MDH1B: variants seen among roughly 807,000 people sequenced by gnomAD.
MDH1B encodes putative malate dehydrogenase 1B.
In MDH1B, 60 loss-of-function variants were observed where a neutral mutation model predicts 61.4. That is an observed-to-expected ratio of 0.98 (90% CI 0.79 to 1.21). The LOEUF (loss-of-function observed/expected upper bound fraction) is 1.21. Ranked by LOEUF, MDH1B falls within the 50% of genes most tolerant of loss-of-function variation. MDH1B has a pLI of 0.00. For synonymous variants in MDH1B, 236 were observed against 218.7 expected (o/e 1.08, Z -0.70); for missense variants, 587 against 632.1 (o/e 0.93, Z 0.76).
At chr2:206,752,657 C>G (rs545824399) in intron 5 of MDH1B, among the ~76,000 whole-genome samples, 1 of 152,200 alleles carries the variant, frequency 6.6e-6, no homozygotes, top group South Asian at 2.1e-4. Context: ...CCTAAAGAAC[C>G]CTTTTAATTG....
intron 8 of MDH1B, 56 bp from the exon 9 acceptor site, chr2:206,745,729 T>TA: frequency 6.3e-4 from 670 of 1,067,638 alleles, no homozygotes; most frequent in Non-Finnish European, 8.3e-4. Context: ...ACTTAATTCT[T>TA]CTTTTTTTTT....
At chr2:206,757,504 T>A in intron 2 of MDH1B, 133 bp from the exon 3 acceptor site, 1 of 647,988 alleles carries the variant, frequency 1.5e-6, no homozygotes, top group South Asian at 3.2e-5. Context: ...AATTTAGATA[T>A]CTTCAAAGAG....
chr2:206,751,015 T>C lies in MDH1B; in HGVS notation c.971A>G (p.Lys324Arg), dbSNP rs149313049. Residue 324 changes from lysine (K) to arginine (R), a missense_variant, in exon 6 of 12, where the codon AAA (lysine) becomes AGA (arginine). Transcript: ENST00000374412. ...ISGNNYVDLR[K>R]TRVYRYESAI... ...ACTCTCATATCTGTACACCCTTGTT[T>C]TTCTCAGATCAACGTAATTATTTCC... 3 of 1,610,326 alleles carry C rather than the reference T, an allele frequency of 1.9e-6. No homozygotes were observed. In the African/African-American group the frequency reaches 4.0e-5, roughly 22 times the overall value.
At chr2:206,745,505 T>C in intron 9 of MDH1B, 117 bp downstream of exon 9, 1 of 793,188 alleles carries the variant, frequency 1.3e-6, no homozygotes, top group Non-Finnish European at 2.1e-6. Flanking sequence ...TTGTCATTAG[T>C]TTAGAAATGA....
At chr2:206,754,501 C>T (rs1416955492) in intron 5 of MDH1B, among the ~76,000 whole-genome samples, 1 of 152,066 alleles carries the variant, frequency 6.6e-6, no homozygotes, top group African/African-American at 2.4e-5. Flanking sequence ...TTATTATGTG[C>T]CATACACTCT....
intron 2 of MDH1B, among the ~76,000 whole-genome samples, chr2:206,760,499 C>G (rs1460398709): frequency 6.6e-6 from 1 of 152,106 alleles, no homozygotes; most frequent in East Asian, 1.9e-4. Context: ...TTCCCAAGAC[C>G]ACTTCCCAGT....
At chr2:206,756,854 T>A (rs1279532890) in intron 4 of MDH1B, 44 bp downstream of exon 4, 2 of 1,601,472 alleles carry the variant, frequency 1.2e-6, no homozygotes, top group Admixed American at 3.4e-5. Flanking sequence ...CCTTTCTAAA[T>A]ATAAAAAGTA....
In MDH1B at chr2:206,765,293, A is replaced by C. The variant is rs762044558; in HGVS notation, c.-22T>G. On this transcript the variant is annotated 5_prime_UTR_variant, in exon 1 of 12. Transcript: ENST00000374412. ...CCATGGTCGAGAGAGACTCAGAGGC[A>C]GGGACCGCGGCTTCGCGGTTTCCTG... The C allele has an allele frequency of 1.0e-5, 16 of 1,589,978 alleles. No homozygotes were observed. Among genetic ancestry groups the C allele is most frequent in the Non-Finnish European group, 1.4e-5 (16 of 1,171,738 alleles).
intron 9 of MDH1B, among the ~76,000 whole-genome samples, chr2:206,742,825 C>T (rs537078470): frequency 1.3e-5 from 2 of 151,360 alleles, no homozygotes; most frequent in Admixed American, 1.3e-4. Context: ...CATTCTCCTG[C>T]CTCAGCCTCC....
At position 206,755,912 on chromosome 2, in the gene MDH1B, T is replaced by C. The variant is rs571476266; in HGVS notation, c.414-407A>G. ...AAATACAACCTCATCTACACAATAATGACTTTTTTTTTTTTTTTGGAAAGG... is the reference window on the plus strand; with the variant it reads ...AAATACAACCTCATCTACACAATAACGACTTTTTTTTTTTTTTTGGAAAGG... On this transcript the variant is annotated intron_variant, in intron 4 of 11. Coordinates refer to ENST00000374412, the MANE Select transcript of MDH1B (RefSeq NM_001039845.3). Among the ~76,000 whole-genome samples, 27 of 148,778 alleles carry C rather than the reference T, an allele frequency of 1.8e-4. No homozygotes were observed. The South Asian group carries it at 4.0e-3, about 22-fold the overall frequency.
intron 1 of MDH1B, 62 bp from the exon 2 acceptor site, chr2:206,761,075 A>C: frequency 1.1e-6 from 1 of 875,760 alleles, no homozygotes; most frequent in East Asian, 2.5e-5. Context: ...TGTAGTTCTA[A>C]GTATTTGCTA....
At chr2:206,750,879 C>A (rs1019952844) in intron 6 of MDH1B, 55 bp downstream of exon 6, 3 of 1,391,576 alleles carry the variant, frequency 2.2e-6, no homozygotes, top group East Asian at 2.4e-5. Flanking sequence ...AGATTACAAC[C>A]ATTAAACATT....
Position 206,740,803 on chromosome 2 carries a change from G to C in MDH1B, c.1459+251C>G, listed in dbSNP as rs182082579. On this transcript the variant is annotated intron_variant, in intron 10 of 11. Coordinates refer to ENST00000374412, the MANE Select transcript of MDH1B (RefSeq NM_001039845.3). ...GAAAGGTGAGAAGCAAGAGATACAA[G>C]GGACTGGAGCTGAAGTTAGAGTATT... is the stretch of plus-strand genomic sequence containing the variant. Among the ~76,000 whole-genome samples, 475 of 152,226 alleles carry C rather than the reference G, an allele frequency of 3.1e-3. 3 individuals are homozygous for C. Among genetic ancestry groups the C allele is most frequent in the African/African-American group, 0.011 (459 of 41,538 alleles).
Position 206,742,426 on chromosome 2 carries a change from C to G in MDH1B, c.1409-1322G>C, listed in dbSNP as rs994090892. Among the ~76,000 whole-genome samples the G allele has an allele frequency of 3.3e-5, 5 of 152,168 alleles. No homozygotes were observed. In the South Asian group the frequency reaches 6.2e-4, roughly 19 times the overall value. ...TTTTTTGCCAGATGGAACAGCTTCC[C>G]CATACCCAGTAGTGGCAACATCCCC... On this transcript the variant is annotated intron_variant, in intron 9 of 11. Transcript: ENST00000374412.
intron 5 of MDH1B, among the ~76,000 whole-genome samples, chr2:206,752,330 A>G (rs1410113285): frequency 6.6e-6 from 1 of 152,190 alleles, no homozygotes; most frequent in African/African-American, 2.4e-5. Flanking sequence ...AAGAAAAGGG[A>G]TGATTGTTTG....
intron 1 of MDH1B, among the ~76,000 whole-genome samples, chr2:206,764,249 G>A (rs1034045120): frequency 6.6e-6 from 1 of 150,844 alleles, no homozygotes; most frequent in Non-Finnish European, 1.5e-5. Flanking sequence ...TGTGAGCCAC[G>A]ATTGCACCAC....
intron 1 of MDH1B, among the ~76,000 whole-genome samples, chr2:206,762,525 CCTTT>C (rs1167808797): frequency 1.3e-5 from 2 of 152,080 alleles, no homozygotes; most frequent in African/African-American, 4.8e-5. Context: ...TCTAATAGTC[CCTTT>C]CTGTCATATT....
At chr2:206,747,695 A>G (rs1026891611) in intron 7 of MDH1B, among the ~76,000 whole-genome samples, 2 of 152,218 alleles carry the variant, frequency 1.3e-5, no homozygotes, top group Non-Finnish European at 2.9e-5. Flanking sequence ...ATTCTCCGTG[A>G]TAGGCGAACA....
chr2:206,744,337 G>C (rs1472741473), intron 9 of MDH1B, among the ~76,000 whole-genome samples: 1 of 152,110 alleles, frequency 6.6e-6, no homozygotes, highest in Non-Finnish European at 1.5e-5. Flanking sequence ...CCAGCTCCTA[G>C]CACTGGCTTA....
Sources: allele counts gnomAD v4.1 joint callset (sites outside exome capture counted in the v4.1 genomes callset), GRCh38; gene constraint gnomAD v4.1.1; transcripts MANE v1.5; gene names NCBI Gene and HGNC (gene_info 2026-07-23, HGNC 2026-07-21).